Variants in RBMS2 observed in about 807,000 individuals in gnomAD.
The protein encoded by RBMS2 is RNA binding motif single stranded interacting protein 2.
RBMS2 carries 38 observed loss-of-function variants against 58.4 expected under a neutral mutation model. The observed-to-expected ratio is 0.65, with a 90% CI of 0.50 to 0.85. The LOEUF (loss-of-function observed/expected upper bound fraction) is 0.85, where lower values mean the gene tolerates loss of function less well. Among genes scored for constraint, RBMS2 ranks in the 40% least tolerant of loss-of-function variants. The pLI is 0.00. For synonymous variants in RBMS2, 151 were observed against 180.7 expected (o/e 0.84, Z 1.32); for missense variants, 367 against 503.7 (o/e 0.73, Z 2.60).
chr12:56,540,974 A>G (rs2657904), intron 1 of RBMS2, among the ~76,000 whole-genome samples: 143,477 of 151,948 alleles, frequency 0.94, 68,111 homozygotes, highest in East Asian at 1. Context: ...GGTAGCATGC[A>G]CCTGTAGTCG....
At chr12:56,575,016 C>T (rs1308638599) in intron 5 of RBMS2, among the ~76,000 whole-genome samples, 6 of 151,870 alleles carry the variant, frequency 4.0e-5, no homozygotes, top group Non-Finnish European at 5.9e-5. Context: ...GGCGTGGTGG[C>T]GGGCGCCTGT....
In RBMS2 at chr12:56,568,969, C is replaced by T; in HGVS notation, c.234-6C>T. 1 of 1,607,966 alleles carries T rather than the reference C, an allele frequency of 6.2e-7. No individual in the cohort carries two copies. Among genetic ancestry groups the T allele is most frequent in the Middle Eastern group, 1.7e-4 (1 of 6,052 alleles). ...GATTATTACTTTGCATTTTCCTCTC[C>T]CTTAGATATGGCAAGATTGTTTCCA... is the stretch of plus-strand genomic sequence containing the variant. On this transcript the variant is annotated splice_polypyrimidine_tract_variant and splice_region_variant and intron_variant, in intron 2 of 13. Coordinates refer to ENST00000262031, the MANE Select transcript of RBMS2 (RefSeq NM_002898.4).
intron 5 of RBMS2, among the ~76,000 whole-genome samples, chr12:56,579,424 A>T (rs1455738344): frequency 1.3e-5 from 2 of 152,040 alleles, no homozygotes; most frequent in African/African-American, 4.8e-5. Flanking sequence ...AGGTCAGGAG[A>T]TGGAGACCAT....
intron 1 of RBMS2, among the ~76,000 whole-genome samples, chr12:56,532,965 CACTT>C (rs1444493755): frequency 6.6e-6 from 1 of 151,848 alleles, no homozygotes; most frequent in African/African-American, 2.4e-5. Flanking sequence ...GACTGGGTCT[CACTT>C]TGTCACTCGG....
chr12:56,575,612 C>T (rs1016629685), intron 5 of RBMS2, among the ~76,000 whole-genome samples: 7 of 151,086 alleles, frequency 4.6e-5, no homozygotes, highest in African/African-American at 1.5e-4. Context: ...ACAGTAGTCT[C>T]GGCCAGGCAT....
At chr12:56,543,576 A>T (rs1423799212) in intron 1 of RBMS2, among the ~76,000 whole-genome samples, 1 of 147,612 alleles carries the variant, frequency 6.8e-6, no homozygotes, top group East Asian at 2.1e-4. Flanking sequence ...CTGGTCTGGA[A>T]CTCCTGACCT....
chr12:56,561,197 G>T (rs185682625), intron 1 of RBMS2, among the ~76,000 whole-genome samples: 52 of 152,148 alleles, frequency 3.4e-4, no homozygotes, highest in Non-Finnish European at 6.5e-4. Context: ...TCATATCTTT[G>T]CTATTGTGAA....
At chr12:56,542,332 T>C (rs1241193325) in intron 1 of RBMS2, among the ~76,000 whole-genome samples, 1 of 152,124 alleles carries the variant, frequency 6.6e-6, no homozygotes, top group Non-Finnish European at 1.5e-5. Context: ...CCCAAAATTC[T>C]GTGATTACAG....
At chr12:56,582,895 CCT>C (rs1884166041) in intron 9 of RBMS2, among the ~76,000 whole-genome samples, 1 of 152,234 alleles carries the variant, frequency 6.6e-6, no homozygotes, top group South Asian at 2.1e-4. Context: ...GTCTCAAACT[CCT>C]GACCTCAGGT....
chr12:56,534,933 G>C (rs555733083), intron 1 of RBMS2, among the ~76,000 whole-genome samples: 2 of 152,112 alleles, frequency 1.3e-5, no homozygotes, highest in African/African-American at 2.4e-5. Context: ...GAGACACGGC[G>C]CCCAGCCCCA....
intron 1 of RBMS2, among the ~76,000 whole-genome samples, chr12:56,537,847 CCT>C (rs1491467451): frequency 3.3e-5 from 2 of 61,190 alleles, no homozygotes; most frequent in African/African-American, 1.0e-4. Context: ...TTGTTTTCTG[CCT>C]TTTTTTTTTT....
At position 56,575,246 on chromosome 12, in the gene RBMS2, T is replaced by C. The variant is rs962847439; in HGVS notation, c.542+3391T>C. On this transcript the variant is annotated intron_variant, in intron 5 of 13. Transcript: ENST00000262031. ...GAGTTCAAGACCAGCCTGGGCAACATGTGAAACCCCATCTCTACAAAAACA... is the reference window on the plus strand; with the variant it reads ...GAGTTCAAGACCAGCCTGGGCAACACGTGAAACCCCATCTCTACAAAAACA... Among the ~76,000 whole-genome samples, 4 of 150,598 alleles carry C rather than the reference T, an allele frequency of 2.7e-5. No individual in the cohort carries two copies. The East Asian group carries it at 5.8e-4, about 22-fold the overall frequency.
intron 1 of RBMS2, among the ~76,000 whole-genome samples, chr12:56,548,699 T>TG (rs1386047232): frequency 2.6e-5 from 4 of 152,210 alleles, no homozygotes; most frequent in Non-Finnish European, 5.9e-5. Context: ...GGAATTTTGA[T>TG]GTTAGGCTGC....
intron 5 of RBMS2, chr12:56,573,205 G>T (rs1404047569): frequency 1.0e-6 from 1 of 976,412 alleles, no homozygotes; most frequent in African/African-American, 1.8e-5. Flanking sequence ...GGCTGGGCGT[G>T]GTGGCTCACG....
At position 56,522,105 on chromosome 12, in the gene RBMS2, T is replaced by C; in HGVS notation, c.66+16T>C. 2 of 1,562,352 alleles carry C rather than the reference T, an allele frequency of 1.3e-6. No individual in the cohort carries two copies. Among genetic ancestry groups the C allele is most frequent in the Non-Finnish European group, 8.8e-7 (1 of 1,136,412 alleles). On this transcript the variant is annotated intron_variant, in intron 1 of 13. Transcript: ENST00000262031. ...CAACAAGAAGGTAGGGAAAAGCGCTTTTTTGGTATCTAGCTACTTCTTTTT... is the reference window on the plus strand; with the variant it reads ...CAACAAGAAGGTAGGGAAAAGCGCTCTTTTGGTATCTAGCTACTTCTTTTT...
chr12:56,542,564 T>A (rs916385217), intron 1 of RBMS2, among the ~76,000 whole-genome samples: 1 of 150,862 alleles, frequency 6.6e-6, no homozygotes, highest in Middle Eastern at 3.2e-3. Context: ...TTTTTTTTTT[T>A]TTTATTCAGG....
At chr12:56,528,664 A>G (rs1214342507) in intron 1 of RBMS2, among the ~76,000 whole-genome samples, 3 of 152,214 alleles carry the variant, frequency 2.0e-5, no homozygotes, top group African/African-American at 4.8e-5. Flanking sequence ...AAGACAGTCA[A>G]TAATCAAAAA....
At chr12:56,534,673 G>T (rs909558287) in intron 1 of RBMS2, among the ~76,000 whole-genome samples, 1 of 151,930 alleles carries the variant, frequency 6.6e-6, no homozygotes, top group Non-Finnish European at 1.5e-5. Flanking sequence ...ATGGAGGCTC[G>T]CTCTGTCGCC....
rs1179823640 is a variant in RBMS2 at position 56,540,639 on chromosome 12, A to G, written c.66+18550A>G. ...AAGTGATCCTCCCACCTCAGTCTTC[A>G]GAGTAGCTGGGATTATAGGCAAGAA... On this transcript the variant is annotated intron_variant, in intron 1 of 13. Coordinates refer to ENST00000262031, the MANE Select transcript of RBMS2 (RefSeq NM_002898.4). 3.3e-5 allele frequency among the ~76,000 whole-genome samples: 5 copies of G among 152,178 alleles called. No homozygotes were observed. The South Asian group carries it at 6.2e-4, about 19-fold the overall frequency.
Sources: allele counts gnomAD v4.1 joint callset (sites outside exome capture counted in the v4.1 genomes callset), GRCh38; gene constraint gnomAD v4.1.1; transcripts MANE v1.5; gene names NCBI Gene and HGNC (gene_info 2026-07-23, HGNC 2026-07-21).